CRCP: variants seen among roughly 807,000 people sequenced by gnomAD.
CRCP encodes CGRP receptor component, also known as DNA-directed RNA polymerase III subunit RPC9.
Under a neutral mutation model 18.5 loss-of-function variants are expected in CRCP, and 18 were observed. The observed-to-expected ratio is 0.97, with a 90% CI of 0.67 to 1.44. The LOEUF is 1.44. Ranked by LOEUF, CRCP falls within the 40% of genes most tolerant of loss-of-function variation. CRCP has a pLI of 0.00. For synonymous variants in CRCP, 53 were observed against 62.9 expected (o/e 0.84, Z 0.75); for missense variants, 130 against 176.4 (o/e 0.74, Z 1.49).
intron 3 of CRCP, among the ~76,000 whole-genome samples, chr7:66,131,801 C>T (rs1787812998): frequency 1.3e-5 from 2 of 150,298 alleles, no homozygotes; most frequent in Admixed American, 1.3e-4. Flanking sequence ...GATTCTCGCT[C>T]CTGTTGCCTA....
intron 1 of CRCP, among the ~76,000 whole-genome samples, chr7:66,116,325 T>C (rs1332489990): frequency 6.6e-6 from 1 of 151,622 alleles, no homozygotes; most frequent in Non-Finnish European, 1.5e-5. Flanking sequence ...GGAGACCCTG[T>C]CTCTGCAAAA....
At chr7:66,151,671 C>CTGTG (rs1413679351) in intron 5 of CRCP, among the ~76,000 whole-genome samples, 17 of 40,298 alleles carry the variant, frequency 4.2e-4, no homozygotes, top group African/African-American at 1.1e-3. Context: ...CACCACTTCT[C>CTGTG]TCTGTGTGTG....
intron 1 of CRCP, among the ~76,000 whole-genome samples, chr7:66,126,808 T>C (rs1314425885): frequency 2.7e-5 from 4 of 149,392 alleles, no homozygotes; most frequent in South Asian, 2.1e-4. Context: ...CCAAGTACTT[T>C]ACATGTTTCC....
chr7:66,130,677 C>G, intron 2 of CRCP, 67 bp from the exon 3 acceptor site: 2 of 923,864 alleles, frequency 2.2e-6, no homozygotes, highest in East Asian at 4.9e-5. Flanking sequence ...TCCTTCAAAA[C>G]CACTGACCTT....
chr7:66,127,532 A>T (rs1168001663), intron 1 of CRCP, among the ~76,000 whole-genome samples, 172 bp from the exon 2 acceptor site: 1 of 152,200 alleles, frequency 6.6e-6, no homozygotes, highest in Non-Finnish European at 1.5e-5. Context: ...GAAATTGCCC[A>T]CAGCTAGCTA....
chr7:66,138,620 C>CT (rs371955610), intron 4 of CRCP, among the ~76,000 whole-genome samples: 4,421 of 58,488 alleles, frequency 0.076, 110 homozygotes, highest in Middle Eastern at 0.14. Flanking sequence ...CTCGTCTCTA[C>CT]TAAAAAAAAA....
chr7:66,147,131 CAGG>C (rs956254784), intron 5 of CRCP, among the ~76,000 whole-genome samples: 1 of 152,134 alleles, frequency 6.6e-6, no homozygotes, highest in African/African-American at 2.4e-5. Flanking sequence ...CACCTGAGGT[CAGG>C]AGTTCAAGAC....
intron 3 of CRCP, among the ~76,000 whole-genome samples, chr7:66,133,753 C>T (rs1265435987): frequency 1.3e-5 from 2 of 151,152 alleles, no homozygotes; most frequent in South Asian, 2.1e-4. Context: ...GTTATTCTTC[C>T]TCTTCTAGCT....
rs1477409993 is a variant in CRCP at position 66,134,004 on chromosome 7, G to A, written c.145-276G>A. Among the ~76,000 whole-genome samples, 11 of 151,294 alleles carry A rather than the reference G, an allele frequency of 7.3e-5. No homozygotes were observed. The East Asian group carries it at 1.2e-3, about 16-fold the overall frequency. On this transcript the variant is annotated intron_variant, in intron 3 of 5. Transcript: ENST00000395326. ...CTCCCTAGTAGCTGGGATTACAGGCGTGCACCTCCACACCCAGCTAATTTT... is the reference window on the plus strand; with the variant it reads ...CTCCCTAGTAGCTGGGATTACAGGCATGCACCTCCACACCCAGCTAATTTT...
At chr7:66,139,732 C>G (rs1181960070) in intron 4 of CRCP, among the ~76,000 whole-genome samples, 1 of 152,212 alleles carries the variant, frequency 6.6e-6, no homozygotes, top group Non-Finnish European at 1.5e-5. Flanking sequence ...GGAACTTGCT[C>G]CCTTCTCACT....
chr7:66,147,115 G>C (rs1031089776), intron 5 of CRCP, among the ~76,000 whole-genome samples: 1 of 152,150 alleles, frequency 6.6e-6, no homozygotes, highest in Non-Finnish European at 1.5e-5. Flanking sequence ...GCCAAGGTGG[G>C]CAGATCACCT....
chr7:66,123,344 T>C (rs1233613112), intron 1 of CRCP, among the ~76,000 whole-genome samples: 1 of 152,218 alleles, frequency 6.6e-6, no homozygotes, highest in Non-Finnish European at 1.5e-5. Flanking sequence ...GTGAATATAT[T>C]ACATAATACT....
chr7:66,115,434 C>G (rs1175106048), intron 1 of CRCP, among the ~76,000 whole-genome samples: 1 of 152,052 alleles, frequency 6.6e-6, no homozygotes, highest in African/African-American at 2.4e-5. Context: ...AAGAGCTGCC[C>G]TCGGAATTTG....
rs933004538 is a variant in CRCP at position 66,129,257 on chromosome 7, C to CG, written c.46-1481dup. ...CTCAGGCAGGAGAATGGCGTGAACC[C>CG]GGGGGGTGGAGCCTGCAGTGAGCCA... On this transcript the variant is annotated intron_variant, in intron 2 of 5. Transcript: ENST00000395326. Among the ~76,000 whole-genome samples the CG allele has an allele frequency of 4.6e-5, 7 of 152,014 alleles. No individual in the cohort carries two copies. In the East Asian group the frequency reaches 9.6e-4, roughly 21 times the overall value.
intron 1 of CRCP, chr7:66,126,604 A>C: frequency 2.3e-6 from 1 of 426,084 alleles, no homozygotes; most frequent in Non-Finnish European, 4.7e-6. Context: ...ATTAACTGGG[A>C]TAATATCTTT....
At chr7:66,148,328 C>G (rs1788359719) in intron 5 of CRCP, among the ~76,000 whole-genome samples, 2 of 152,142 alleles carry the variant, frequency 1.3e-5, no homozygotes, top group African/African-American at 4.8e-5. Context: ...GTGAGCGTGA[C>G]TGCACTCCAG....
At chr7:66,120,058 C>G (rs372538881) in intron 1 of CRCP, among the ~76,000 whole-genome samples, 1 of 151,664 alleles carries the variant, frequency 6.6e-6, no homozygotes, top group Admixed American at 6.6e-5. Flanking sequence ...GGCGGGCGCC[C>G]GTAGTCCCAG....
At chr7:66,147,057 G>A (rs1788318798) in intron 5 of CRCP, among the ~76,000 whole-genome samples, 1 of 152,266 alleles carries the variant, frequency 6.6e-6, no homozygotes. Flanking sequence ...AGTGCCTGGG[G>A]TGGGCCGGGC....
At chr7:66,142,051 C>A (rs1788156607) in intron 4 of CRCP, among the ~76,000 whole-genome samples, 1 of 151,880 alleles carries the variant, frequency 6.6e-6, no homozygotes, top group Admixed American at 6.6e-5. Flanking sequence ...CGTTACCTAT[C>A]CTCTGTAGCT....
Sources: allele counts gnomAD v4.1 joint callset (sites outside exome capture counted in the v4.1 genomes callset), GRCh38; gene constraint gnomAD v4.1.1; transcripts MANE v1.5; gene names NCBI Gene and HGNC (gene_info 2026-07-23, HGNC 2026-07-21).